SMARCAL1: variants seen among roughly 807,000 people sequenced by gnomAD.
SMARCAL1 encodes SNF2 related chromatin remodeling annealing helicase 1, also known as ATP-driven annealing helicase.
A neutral mutation model predicts 94.5 loss-of-function variants in SMARCAL1; 58 were observed. The observed-to-expected ratio is 0.61, with a 90% CI of 0.50 to 0.76. The LOEUF is 0.76. Ranked by LOEUF, SMARCAL1 falls within the 30% of genes least tolerant of loss-of-function variation. The probability of loss-of-function intolerance (pLI) is 0.00; values close to 1 mark genes in which losing one functional copy is unlikely to be tolerated. For synonymous variants in SMARCAL1, 422 were observed against 455.1 expected (o/e 0.93, Z 0.93); for missense variants, 1,051 against 1,177.9 (o/e 0.89, Z 1.58).
intron 6 of SMARCAL1, among the ~76,000 whole-genome samples, chr2:216,426,745 A>G (rs950605237): frequency 6.6e-6 from 1 of 152,242 alleles, no homozygotes; most frequent in African/African-American, 2.4e-5. Flanking sequence ...CAGTGAGAAT[A>G]GAGCCCAGTT....
At chr2:216,413,932 G>A (rs1213819007) in intron 2 of SMARCAL1, 40 bp downstream of exon 2, 3 of 152,166 alleles carry the variant, frequency 2.0e-5, no homozygotes, top group Non-Finnish European at 2.9e-5. Context: ...AATCTATTAT[G>A]CTTTCTGGTT....
chr2:216,475,549 AT>A lies in SMARCAL1; in HGVS notation c.2427+99del. 1 of 1,244,802 alleles carries A rather than the reference AT, an allele frequency of 8.0e-7. No homozygotes were observed. Among genetic ancestry groups the A allele is most frequent in the South Asian group, 1.2e-5 (1 of 82,750 alleles). 77.1% of individuals were successfully genotyped at this position (1,244,802 alleles called of 1,614,324 possible). Reference sequence around the variant, plus strand: ...TCGGGGAAAGTGTGGTTTCCCTTTTATCCATTCATTATACTTCCCACAAGTC... The same window carrying A: ...TCGGGGAAAGTGTGGTTTCCCTTTTACCATTCATTATACTTCCCACAAGTC... On this transcript the variant is annotated intron_variant, in intron 15 of 17. Coordinates refer to ENST00000357276, the MANE Select transcript of SMARCAL1 (RefSeq NM_014140.4). The surrounding 1 kb of genome is among the most constrained non-coding windows in gnomAD (Gnocchi z 4.4).
intron 14 of SMARCAL1, among the ~76,000 whole-genome samples, chr2:216,471,824 T>C (rs1196392406): frequency 6.6e-6 from 1 of 152,220 alleles, no homozygotes; most frequent in East Asian, 1.9e-4. Flanking sequence ...GTTTATAATA[T>C]TCAATAATTA....
intron 5 of SMARCAL1, among the ~76,000 whole-genome samples, chr2:216,422,629 G>C (rs1461397036): frequency 6.6e-6 from 1 of 152,216 alleles, no homozygotes; most frequent in Non-Finnish European, 1.5e-5. Context: ...CGATTAGTCT[G>C]TCTGCTTTGT....
chr2:216,434,258 C>T (rs1428029953), intron 8 of SMARCAL1, among the ~76,000 whole-genome samples: 1 of 152,136 alleles, frequency 6.6e-6, no homozygotes, highest in African/African-American at 2.4e-5. Flanking sequence ...CTGTATTGAA[C>T]AGTGTCACCC....
chr2:216,466,983 C>T lies in SMARCAL1; in HGVS notation c.2142-961C>T, dbSNP rs764654654. Among the ~76,000 whole-genome samples, 9 of 152,240 alleles carry T rather than the reference C, an allele frequency of 5.9e-5. No individual in the cohort carries two copies. In the South Asian group the frequency reaches 1.5e-3, roughly 25 times the overall value. ...AGGCAGAGTCTGTTCCCTGTCCAGA[C>T]GCACCCATGGCTGGCAATGGCCTCA... On this transcript the variant is annotated intron_variant, in intron 13 of 17. Transcript: ENST00000357276.
intron 8 of SMARCAL1, among the ~76,000 whole-genome samples, chr2:216,433,972 G>A (rs1694019154): frequency 6.7e-6 from 1 of 149,746 alleles, no homozygotes; most frequent in Non-Finnish European, 1.5e-5. Flanking sequence ...TTCTGTCCTG[G>A]TGATCTGAGT....
intron 13 of SMARCAL1, among the ~76,000 whole-genome samples, chr2:216,467,180 T>C (rs1306829570): frequency 2.0e-5 from 3 of 151,942 alleles, no homozygotes; most frequent in Non-Finnish European, 1.5e-5. Context: ...AGATAAGAGG[T>C]GGGAAGCTTG....
At chr2:216,421,594 G>A (rs542777315) in intron 5 of SMARCAL1, among the ~76,000 whole-genome samples, 1 of 152,194 alleles carries the variant, frequency 6.6e-6, no homozygotes, top group South Asian at 2.1e-4. Context: ...TGGCCGTTTT[G>A]CTTTAGTTTT....
At chr2:216,454,718 G>C (rs757384802) in intron 12 of SMARCAL1, among the ~76,000 whole-genome samples, 1 of 152,238 alleles carries the variant, frequency 6.6e-6, no homozygotes, top group African/African-American at 2.4e-5. Context: ...ATCATCTTGG[G>C]GCGGTTCCAA....
intron 6 of SMARCAL1, among the ~76,000 whole-genome samples, chr2:216,425,144 G>A (rs921126848): frequency 4.6e-5 from 7 of 152,190 alleles, no homozygotes; most frequent in Non-Finnish European, 8.8e-5. Flanking sequence ...CTCGGCTCAC[G>A]CTACCAGTCC....
At chr2:216,437,201 C>T (rs1694099103) in intron 9 of SMARCAL1, among the ~76,000 whole-genome samples, 1 of 152,216 alleles carries the variant, frequency 6.6e-6, no homozygotes, top group Admixed American at 6.5e-5. Flanking sequence ...TGAAAGGGCC[C>T]ATTCTCTTCC....
chr2:216,468,214 G>A (rs1436300330), intron 14 of SMARCAL1, among the ~76,000 whole-genome samples, 168 bp downstream of exon 14: 1 of 152,158 alleles, frequency 6.6e-6, no homozygotes, highest in Non-Finnish European at 1.5e-5. Context: ...GGGTCAAAAT[G>A]TTTCCCCAGC....
chr2:216,440,576 G>T (rs1275650663), intron 10 of SMARCAL1, among the ~76,000 whole-genome samples: 2 of 152,148 alleles, frequency 1.3e-5, no homozygotes, highest in African/African-American at 4.8e-5. Context: ...CATGGCCTGT[G>T]TTTATGAAGG....
intron 10 of SMARCAL1, among the ~76,000 whole-genome samples, chr2:216,441,384 A>G (rs1694193365): frequency 6.6e-6 from 1 of 152,234 alleles, no homozygotes; most frequent in Admixed American, 6.5e-5. Flanking sequence ...CTATTTTTAT[A>G]TATAAATATA....
Position 216,415,396 on chromosome 2 carries a change from A to G in SMARCAL1, c.692A>G (p.Gln231Arg). ...CAGCAGAAGTCAGGGTCCTCAGTCC[A>G]AAAAGGAGTGAACTCTCAGAAGGGA... ...RLQQKSGSSV[Q>R]KGVNSQKGKC... The change falls in exon 3 of 18, where the codon CAA becomes CGA. Residue 231 changes from glutamine to arginine, a missense_variant. By Grantham distance (43) the Gln-to-Arg change is conservative (BLOSUM62 1). Coordinates refer to ENST00000357276, the MANE Select transcript of SMARCAL1 (RefSeq NM_014140.4). 1 of 1,614,180 alleles carries G rather than the reference A, an allele frequency of 6.2e-7. No individual in the cohort carries two copies. Among genetic ancestry groups the G allele is most frequent in the Non-Finnish European group, 8.5e-7 (1 of 1,179,978 alleles).
chr2:216,438,550 C>A, intron 10 of SMARCAL1, 65 bp downstream of exon 10: 1 of 1,402,554 alleles, frequency 7.1e-7, no homozygotes, highest in Non-Finnish European at 1.0e-6. Context: ...CTCAGGCTTG[C>A]ATGTCGTCCT....
intron 12 of SMARCAL1, among the ~76,000 whole-genome samples, chr2:216,460,422 A>C (rs960251065): frequency 6.6e-6 from 1 of 152,134 alleles, no homozygotes; most frequent in African/African-American, 2.4e-5. Context: ...AATAGCAAAC[A>C]CTTGGAACCA....
chr2:216,471,859 T>A (rs1694973358), intron 14 of SMARCAL1, among the ~76,000 whole-genome samples: 1 of 152,230 alleles, frequency 6.6e-6, no homozygotes. Flanking sequence ...TATCAACAGA[T>A]ATACTATTAA....
Sources: allele counts gnomAD v4.1 joint callset (sites outside exome capture counted in the v4.1 genomes callset), GRCh38; gene constraint gnomAD v4.1.1; non-coding constraint Gnocchi (gnomAD v3.1); transcripts MANE v1.5; gene names NCBI Gene and HGNC (gene_info 2026-07-23, HGNC 2026-07-21).